Variants in PCSK1 observed in about 807,000 individuals in gnomAD.
PCSK1 encodes the protein proprotein convertase subtilisin/kexin type 1, also known as neuroendocrine convertase 1.
Under a neutral mutation model 90.6 loss-of-function variants are expected in PCSK1, and 56 were observed. The ratio of observed to expected loss-of-function variants is 0.62; its 90% CI spans 0.50 to 0.77. The LOEUF (loss-of-function observed/expected upper bound fraction) is 0.77. Ranked by LOEUF, PCSK1 falls within the 30% of genes least tolerant of loss-of-function variation. PCSK1 has a pLI of 0.00. For synonymous variants in PCSK1, 348 were observed against 342.4 expected, an observed-to-expected ratio of 1.02 and a Z score of -0.18; for missense variants, 801 against 932.6, an observed-to-expected ratio of 0.86 and a Z score of 1.84.
chr5:96,403,232 TC>T (rs1158180686), intron 9 of PCSK1, among the ~76,000 whole-genome samples: 11 of 152,194 alleles, frequency 7.2e-5, no homozygotes, highest in Admixed American at 5.2e-4. Context: ...TTAAGGAGCT[TC>T]ATTGTCATGC....
intron 7 of PCSK1, among the ~76,000 whole-genome samples, chr5:96,412,107 G>T (rs771106889): frequency 6.6e-6 from 1 of 152,156 alleles, no homozygotes; most frequent in African/African-American, 2.4e-5. Flanking sequence ...CTTGGCCATC[G>T]CGCCTGGCCA....
chr5:96,418,925 T>C (rs1372684391), intron 5 of PCSK1, among the ~76,000 whole-genome samples: 1 of 152,086 alleles, frequency 6.6e-6, no homozygotes, highest in Non-Finnish European at 1.5e-5. Context: ...GATTTCTCAC[T>C]GAAAGAAGGT....
intron 6 of PCSK1, among the ~76,000 whole-genome samples, chr5:96,414,370 T>C (rs1760875645): frequency 6.6e-6 from 1 of 152,160 alleles, no homozygotes; most frequent in South Asian, 2.1e-4. Flanking sequence ...CTCCTCACTT[T>C]ATAAATGGAG....
At chr5:96,395,831 A>T (rs370193624) in intron 12 of PCSK1, among the ~76,000 whole-genome samples, 1 of 74,954 alleles carries the variant, frequency 1.3e-5, no homozygotes, top group African/African-American at 1.1e-4. Flanking sequence ...TCAATGACAA[A>T]AAATAAATAA....
At chr5:96,401,086 C>CAAAAAAAA (rs35928091) in intron 9 of PCSK1, among the ~76,000 whole-genome samples, 4 of 70,574 alleles carry the variant, frequency 5.7e-5, no homozygotes, top group Non-Finnish European at 7.3e-5. Context: ...GACTCCGTCT[C>CAAAAAAAA]AAAAAAAAAA....
Position 96,413,784 on chromosome 5 carries a change from G to C in PCSK1, c.710-1294C>G, listed in dbSNP as rs191199263. 7.9e-3 allele frequency among the ~76,000 whole-genome samples: 951 copies of C among 120,856 alleles called. 9 individuals carry two copies. Among genetic ancestry groups the C allele is most frequent in the African/African-American group, 0.017 (532 of 30,752 alleles). The allele number at this position is 120,856 out of a possible 152,430, so 79.3% of individuals were successfully genotyped here. A position where few individuals can be genotyped will look rare whatever the true frequency, so the allele number is the denominator to read the frequency against. ...CCACTGCACTCCAGCCTGGGCAACA[G>C]AGCAAGACTCTGTCTCAAAAAAAAA... On this transcript the variant is annotated intron_variant, in intron 6 of 13. Coordinates refer to ENST00000311106, the MANE Select transcript of PCSK1 (RefSeq NM_000439.5).
At chr5:96,411,038 T>C in intron 7 of PCSK1, 52 bp from the exon 8 acceptor site, 1 of 1,258,082 alleles carries the variant, frequency 7.9e-7, no homozygotes, top group Non-Finnish European at 1.2e-6. Flanking sequence ...TTGGGGTCAT[T>C]GTTATATCCC....
chr5:96,402,204 T>A (rs112513949), intron 9 of PCSK1, among the ~76,000 whole-genome samples: 135 of 152,248 alleles, frequency 8.9e-4, no homozygotes, highest in African/African-American at 3.1e-3. Flanking sequence ...GGCTCCTAGT[T>A]AAAAACCGTG....
chr5:96,421,993 TAAAAAAAAAAAAAA>T (rs11317408), intron 4 of PCSK1, 37 bp from the exon 5 acceptor site: 6 of 355,772 alleles, frequency 1.7e-5, no homozygotes, highest in East Asian at 5.8e-5. Context: ...GTGGCAGCAT[TAAAAAAAAAAAAAA>T]AAAAAAAAAA....
intron 1 of PCSK1, chr5:96,432,204 G>C: frequency 7.4e-7 from 1 of 1,344,780 alleles, no homozygotes; most frequent in Non-Finnish European, 1.0e-6. Flanking sequence ...CCAGTGAAAA[G>C]CCGGAGCTCC....
At chr5:96,415,000 T>G (rs1351537809) in intron 6 of PCSK1, among the ~76,000 whole-genome samples, 1 of 152,148 alleles carries the variant, frequency 6.6e-6, no homozygotes, top group Non-Finnish European at 1.5e-5. Flanking sequence ...TTTAATGGGG[T>G]TTTATTGTAA....
chr5:96,430,185 G>A (rs78161519), intron 1 of PCSK1, among the ~76,000 whole-genome samples: 3,747 of 152,230 alleles, frequency 0.025, 154 homozygotes, highest in African/African-American at 0.086. Context: ...TAGAGGGTTT[G>A]TACTTCTCCG....
intron 9 of PCSK1, among the ~76,000 whole-genome samples, chr5:96,405,653 G>T (rs147620550): frequency 0.01 from 1,559 of 152,204 alleles, 27 homozygotes; most frequent in African/African-American, 0.035. Flanking sequence ...CCTGGGTGAC[G>T]GAGTGAGACA....
At chr5:96,394,830 A>G in intron 13 of PCSK1, 34 bp downstream of exon 13, 1 of 1,609,604 alleles carries the variant, frequency 6.2e-7, no homozygotes, top group Non-Finnish European at 8.5e-7. Flanking sequence ...CCCCAGTTCA[A>G]AAGAGAGCAT....
At chr5:96,410,264 G>A (rs1017747468) in intron 8 of PCSK1, among the ~76,000 whole-genome samples, 3 of 152,156 alleles carry the variant, frequency 2.0e-5, no homozygotes, top group Non-Finnish European at 4.4e-5. Flanking sequence ...TTACCCAGAT[G>A]CTGAGCAGTT....
chr5:96,408,685 G>T (rs1000563389), intron 8 of PCSK1, among the ~76,000 whole-genome samples: 15 of 152,308 alleles, frequency 9.8e-5, no homozygotes, highest in Admixed American at 9.2e-4. Context: ...CATTGTGTTT[G>T]GTCTGGCATA....
Position 96,399,948 on chromosome 5 carries a change from C to T in PCSK1, c.1430+5G>A, listed in dbSNP as rs376283122. Reference sequence around the variant, plus strand: ...CATGTGTTTAAAATTCCAGGAGATACTTACCTGGGCTCAAAGTCATTGTCC... The same window carrying T: ...CATGTGTTTAAAATTCCAGGAGATATTTACCTGGGCTCAAAGTCATTGTCC... On this transcript the variant is annotated splice_donor_5th_base_variant and intron_variant, in intron 10 of 13. Transcript: ENST00000311106. 1.2e-6 allele frequency: 2 copies of T among 1,602,256 alleles called. No individual in the cohort carries two copies. Among genetic ancestry groups the T allele is most frequent in the Non-Finnish European group, 1.7e-6 (2 of 1,169,266 alleles).
At chr5:96,420,788 A>G (rs1028205939) in intron 5 of PCSK1, among the ~76,000 whole-genome samples, 2 of 53,054 alleles carry the variant, frequency 3.8e-5, no homozygotes, top group Admixed American at 3.2e-4. Context: ...AGAGAGAGAA[A>G]GAGAGAGAGA....
rs776603124 is a variant in PCSK1, at chr5:96,400,197, A to G, written c.1197-11T>C. 2 of 1,567,642 alleles carry G rather than the reference A, an allele frequency of 1.3e-6. No homozygotes were observed. Among genetic ancestry groups the G allele is most frequent in the Admixed American group, 1.7e-5 (1 of 59,956 alleles). ...CAGGTGAGATTTGGGCTGGAGGGGA[A>G]GTGACCCAAAGTGTCTTTCAGAGAA... On this transcript the variant is annotated splice_polypyrimidine_tract_variant and intron_variant, in intron 9 of 13. Coordinates refer to ENST00000311106, the MANE Select transcript of PCSK1 (RefSeq NM_000439.5).
Sources: allele counts gnomAD v4.1 joint callset (sites outside exome capture counted in the v4.1 genomes callset), GRCh38; gene constraint gnomAD v4.1.1; transcripts MANE v1.5; gene names NCBI Gene and HGNC (gene_info 2026-07-23, HGNC 2026-07-21).